The following TTN variants were observed in gnomAD, a reference collection of about 807,000 sequenced individuals.
The protein encoded by TTN is titin.
A neutral mutation model predicts 3,223.0 loss-of-function variants in TTN; 1,525 were observed. The ratio of observed to expected loss-of-function variants is 0.47; its 90% CI spans 0.45 to 0.49. The LOEUF is 0.49. Ranked by LOEUF, TTN falls within the 20% of genes least tolerant of loss-of-function variation. The probability of loss-of-function intolerance (pLI) is 0.00; values close to 1 mark genes in which losing one functional copy is unlikely to be tolerated. For synonymous variants in TTN, 14,094 were observed against 15,161.0 expected, an observed-to-expected ratio of 0.93 and a Z score of 5.17; for missense variants, 40,786 against 43,424.0, an observed-to-expected ratio of 0.94 and a Z score of 5.40.
chr2:178,643,436 T>C (rs760019798), intron 218 of TTN, among the ~76,000 whole-genome samples: 1 of 151,944 alleles, frequency 6.6e-6, no homozygotes, highest in Non-Finnish European at 1.5e-5. Flanking sequence ...ATAAATTGTG[T>C]TGGCCTTCAA....
chr2:178,733,247 G>A lies in TTN; in HGVS notation c.16046C>T (p.Thr5349Ile). The A allele has an allele frequency of 6.3e-7, 1 of 1,598,448 alleles. No homozygotes were observed. Among genetic ancestry groups the A allele is most frequent in the African/African-American group, 1.3e-5 (1 of 74,744 alleles). ...VGSSSCETTF[T>I]VLDRDIAPFF... ...TTTCTAAAAATACTAACCTAATACAGTGAATGTAGTCTCACAGGAGCTGCT... is the reference window on the plus strand; with the variant it reads ...TTTCTAAAAATACTAACCTAATACAATGAATGTAGTCTCACAGGAGCTGCT... Residue 5349 changes from threonine to isoleucine, a missense_variant, in exon 54 of 363, where the codon ACT becomes ATT. Coordinates refer to ENST00000589042, the MANE Select transcript of TTN (RefSeq NM_001267550.2).
chr2:178,714,291 C>A lies in TTN; in HGVS notation c.26482+1G>T. On this transcript the variant is annotated splice_donor_variant, in intron 91 of 362. Transcript: ENST00000589042. LOFTEE classifies it high-confidence loss of function. Reference sequence around the variant, plus strand: ...TGTGATAACATCATCTTTTTACTAACCGAGAACGGATAGCGTGGCGAAGCA... The same window carrying A: ...TGTGATAACATCATCTTTTTACTAAACGAGAACGGATAGCGTGGCGAAGCA... 6.2e-7 allele frequency: 1 copy of A among 1,610,636 alleles called. No homozygotes were observed. Among genetic ancestry groups the A allele is most frequent in the Non-Finnish European group, 8.5e-7 (1 of 1,177,442 alleles).
Position 178,566,587 on chromosome 2 carries a change from G to T in TTN, c.79545C>A (p.Gly26515=). The stretch of plus-strand genomic sequence containing the variant: ...CTACATATCCCAAGATCTCACTGCC[G>T]CCATCATAGATGGGTTTACCCCAGG... The part of the protein sequence containing the change: ...TLAWGKPIYD[G]GSEILGYVVE... The change falls in exon 326 of 363, where the codon GGC becomes GGA. Residue 26515 remains glycine (G), a synonymous_variant. Coordinates refer to ENST00000589042, the MANE Select transcript of TTN (RefSeq NM_001267550.2). 1 of 1,612,498 alleles carries T rather than the reference G, an allele frequency of 6.2e-7. No individual in the cohort carries two copies. The highest frequency in any genetic ancestry group is 2.2e-5 in the East Asian group (1 of 44,842).
At chr2:178,605,375 A>G (rs772734969) in intron 279 of TTN, 39 bp downstream of exon 279, 4 of 1,542,622 alleles carry the variant, frequency 2.6e-6, no homozygotes, top group Non-Finnish European at 2.6e-6. Context: ...GGCACACTGT[A>G]AAATGCATTA....
chr2:178,597,956 C>T lies in TTN; in HGVS notation c.57214G>A (p.Gly19072Arg). 1 of 1,613,362 alleles carries T rather than the reference C, an allele frequency of 6.2e-7. No homozygotes were observed. The highest frequency in any genetic ancestry group is 8.5e-7 in the Non-Finnish European group (1 of 1,179,582). ...ACATCTGTGACCTCTCCAGGTTCTC[C>T]AATGCCAGCAATGTTGACTGCTCTA... is the stretch of plus-strand genomic sequence containing the variant. ...RVRAVNIAGI[G>R]EPGEVTDVIE... Residue 19072 changes from glycine to arginine, a missense_variant, in exon 293 of 363, where the codon GGA becomes AGA. Coordinates refer to ENST00000589042, the MANE Select transcript of TTN (RefSeq NM_001267550.2).
In TTN at chr2:178,614,915, G is replaced by A; in HGVS notation, c.48692C>T (p.Ala16231Val). ...TTTGCTAGCACCCTGCCTGTTTAAG[G>A]CCTTCACGCGGTAGGCATACCATTT... Reference protein sequence around the residue: ...EGKWYAYRVKALNRQGASKPS... With the variant: ...EGKWYAYRVKVLNRQGASKPS... The change falls in exon 260 of 363, where the codon GCC becomes GTC. Residue 16231 changes from alanine (A) to valine (V), a missense_variant. Coordinates refer to ENST00000589042, the MANE Select transcript of TTN (RefSeq NM_001267550.2). 6.3e-7 allele frequency: 1 copy of A among 1,590,910 alleles called. No homozygotes were observed. Among genetic ancestry groups the A allele is most frequent in the South Asian group, 1.1e-5 (1 of 87,754 alleles).
rs753291479 is a variant in TTN at position 178,714,309 on chromosome 2, G to A, written c.26465C>T (p.Ala8822Val). The change falls in exon 91 of 363, where the codon GCC becomes GTC. Residue 8822 changes from alanine (A) to valine (V), a missense_variant. Ala to Val is a moderately conservative substitution (Grantham distance 64). Coordinates refer to ENST00000589042, the MANE Select transcript of TTN (RefSeq NM_001267550.2). ...KNDAGMQECF[A>V]TLSVLEPATI... is the part of the protein sequence containing the mutation. ...TTACTAACCGAGAACGGATAGCGTGGCGAAGCACTCTTGCATCCCAGCATC... is the reference window on the plus strand; with the variant it reads ...TTACTAACCGAGAACGGATAGCGTGACGAAGCACTCTTGCATCCCAGCATC... The A allele has an allele frequency of 1.4e-5, 23 of 1,612,920 alleles. No individual in the cohort carries two copies. Among genetic ancestry groups the A allele is most frequent in the Non-Finnish European group, 1.9e-5 (22 of 1,179,030 alleles).
At chr2:178,578,212 G>T in intron 321 of TTN, 27 bp from the exon 322 acceptor site, 1 of 1,585,386 alleles carries the variant, frequency 6.3e-7, no homozygotes, top group Non-Finnish European at 8.6e-7. Context: ...GATGTATCAA[G>T]TATAAATGCA....
At position 178,735,858 on chromosome 2, in the gene TTN, C is replaced by T. The variant is rs375680312; in HGVS notation, c.14588G>A (p.Gly4863Glu). The T allele has an allele frequency of 3.5e-5, 56 of 1,613,688 alleles. No homozygotes were observed. The highest frequency in any genetic ancestry group is 4.6e-5 in the Non-Finnish European group (54 of 1,179,834). Residue 4863 changes from glycine (G) to glutamate (E), a missense_variant, in exon 50 of 363, where the codon GGA becomes GAA. Physicochemically the swap from Gly to Glu is moderately conservative, Grantham distance 98. Transcript: ENST00000589042. Reference protein sequence around the residue: ...ELSNLTIQDRGVYSCKASNKF... With the variant: ...ELSNLTIQDREVYSCKASNKF... Reference sequence around the variant, plus strand: ...GTTGGAAGCCTTACAAGAATAAACTCCTCTATCTTGAATGGTAAGGTTTGA... The same window carrying T: ...GTTGGAAGCCTTACAAGAATAAACTTCTCTATCTTGAATGGTAAGGTTTGA...
intron 295 of TTN, among the ~76,000 whole-genome samples, chr2:178,595,285 G>GAA (rs71023449): frequency 2.8e-5 from 4 of 141,520 alleles, no homozygotes; most frequent in African/African-American, 7.8e-5. Context: ...AAACCAAAAA[G>GAA]AAAAAAAAAA....
intron 12 of TTN, 26 bp downstream of exon 12, chr2:178,789,952 T>G (rs1330302266): frequency 6.2e-7 from 1 of 1,612,226 alleles, no homozygotes; most frequent in Non-Finnish European, 8.5e-7. Context: ...AGATGAACTT[T>G]TCACAGCTCA....
At position 178,738,219 on chromosome 2, in the gene TTN, T is replaced by A; in HGVS notation, c.14234A>T (p.Lys4745Met). 1 of 1,613,650 alleles carries A rather than the reference T, an allele frequency of 6.2e-7. No homozygotes were observed. The highest frequency in any genetic ancestry group is 8.5e-7 in the Non-Finnish European group (1 of 1,179,764). The change falls in exon 49 of 363, where the codon AAG becomes ATG. Residue 4745 changes from lysine to methionine, a missense_variant. Transcript: ENST00000589042. ...KAGREIYESD[K>M]CSIRSSKYIS... is the part of the protein sequence containing the mutation. ...ATACTTTGAAGATCGAATAGAACAC[T>A]TGTCACTCTCATAAATTTCTCGGCC...
rs1553561335 is a variant in TTN, at chr2:178,559,838, A to G, written c.86294T>C (p.Ile28765Thr). The change falls in exon 326 of 363, where the codon ATT becomes ACT. Residue 28765 changes from isoleucine to threonine, a missense_variant. Ile to Thr is a moderately conservative substitution (Grantham distance 89). Coordinates refer to ENST00000589042, the MANE Select transcript of TTN (RefSeq NM_001267550.2). ...GGTAAATGAGGCACCAGCCTTGACA[A>G]TCAAGGTCTTCCTCATTTCACTGTC... ...DIDSEMRKTLIVKAGASFTMT... is the reference protein window; with the variant it reads ...DIDSEMRKTLTVKAGASFTMT... 9 of 1,611,008 alleles carry G rather than the reference A, an allele frequency of 5.6e-6. No individual in the cohort carries two copies. Among genetic ancestry groups the G allele is most frequent in the Non-Finnish European group, 7.6e-6 (9 of 1,179,676 alleles).
chr2:178,697,994 T>C (rs893090560), intron 112 of TTN, among the ~76,000 whole-genome samples: 6 of 152,164 alleles, frequency 3.9e-5, no homozygotes, highest in African/African-American at 1.4e-4. Context: ...ACACCCTAAG[T>C]GTCCATCAAT....
Position 178,536,983 on chromosome 2 carries a change from C to G in TTN, c.100126G>C (p.Asp33376His). The G allele has an allele frequency of 6.2e-7, 1 of 1,613,308 alleles. No individual in the cohort carries two copies. Among genetic ancestry groups the G allele is most frequent in the African/African-American group, 1.3e-5 (1 of 75,000 alleles). The part of the protein sequence containing the change: ...VSAQNTFGIS[D>H]PLEVSSVVII... ...ACAACTGAGGACACTTCTAGAGGGT[C>G]ACTGATGCCGAAAGTGTTCTGAGCT... Residue 33376 changes from aspartate to histidine, a missense_variant, in exon 356 of 363, where the codon GAC (aspartate) becomes CAC (histidine). Coordinates refer to ENST00000589042, the MANE Select transcript of TTN (RefSeq NM_001267550.2).
Position 178,651,471 on chromosome 2 carries a change from C to G in TTN, c.39529G>C (p.Glu13177Gln), listed in dbSNP as rs755543648. 18 of 1,611,852 alleles carry G rather than the reference C, an allele frequency of 1.1e-5. No homozygotes were observed. Among genetic ancestry groups the G allele is most frequent in the Non-Finnish European group, 1.4e-5 (17 of 1,179,240 alleles). ...KVPLVVPKKPEAPPAKVPEVP... is the reference protein window; with the variant it reads ...KVPLVVPKKPQAPPAKVPEVP... ...CATATACCTTTAGCAGGTGGGGCTT[C>G]TGGCTTTTTGGGAACCACCAGAGGC... The change falls in exon 207 of 363, where the codon GAA becomes CAA. Residue 13177 changes from glutamate to glutamine, a missense_variant. Physicochemically the swap from Glu to Gln is conservative, Grantham distance 29. Transcript: ENST00000589042.
chr2:178,673,528 C>T, intron 152 of TTN, 105 bp downstream of exon 152: 1 of 735,086 alleles, frequency 1.4e-6, no homozygotes, highest in Non-Finnish European at 2.1e-6. Flanking sequence ...TTAATCAGTT[C>T]ACTATCTAAA....
chr2:178,556,455 C>CA (rs1358914365), intron 330 of TTN: 5,883 of 184,824 alleles, frequency 0.032, 1 homozygote, highest in Middle Eastern at 0.052. Context: ...AACAAACAAA[C>CA]AAAAAAAAAA....
rs201335914 is a variant in TTN, at chr2:178,541,762, ATTAT to A, written c.97493-182_97493-179del. 9.2e-3 allele frequency: 3,444 copies of A among 374,276 alleles called. 29 individuals are homozygous for A. The highest frequency in any genetic ancestry group is 0.017 in the Admixed American group (356 of 20,616). The allele number at this position is 374,276 out of a possible 1,614,324, so 23.2% of individuals were successfully genotyped here. On this transcript the variant is annotated intron_variant, in intron 349 of 362. Coordinates refer to ENST00000589042, the MANE Select transcript of TTN (RefSeq NM_001267550.2). ...TGTAAATTTTAATTTAAATCATTTAATTATTTAATTATTTTTATTAAAAATTTTT... is the reference window on the plus strand; with the variant it reads ...TGTAAATTTTAATTTAAATCATTTAATTAATTATTTTTATTAAAAATTTTT...
Sources: allele counts gnomAD v4.1 joint callset (sites outside exome capture counted in the v4.1 genomes callset), GRCh38; gene constraint gnomAD v4.1.1; transcripts MANE v1.5; gene names NCBI Gene and HGNC (gene_info 2026-07-23, HGNC 2026-07-21).